The following DDX42 variants were observed in gnomAD, a reference collection of about 807,000 sequenced individuals.
DDX42 encodes DEAD-box helicase 42, also known as ATP-dependent RNA helicase DDX42.
DDX42 carries 22 observed loss-of-function variants against 101.5 expected under a neutral mutation model. The observed-to-expected ratio is 0.22, with a 90% CI of 0.15 to 0.31. The LOEUF (loss-of-function observed/expected upper bound fraction) is 0.31, where lower values mean the gene tolerates loss of function less well. Ranked by LOEUF, DDX42 falls within the 10% of genes least tolerant of loss-of-function variation. The pLI is 1.00. For synonymous variants in DDX42, 402 were observed against 401.2 expected (o/e 1.00, Z -0.02); for missense variants, 849 against 1,199.9 (o/e 0.71, Z 4.32).
chr17:63,807,578 T>TG (rs2039858006), intron 8 of DDX42, 146 bp from the exon 9 acceptor site: 2 of 631,138 alleles, frequency 3.2e-6, no homozygotes, highest in Non-Finnish European at 5.3e-6. Flanking sequence ...GATATTTCTA[T>TG]TTCACAACCA....
At chr17:63,804,296 T>C (rs566742678) in intron 6 of DDX42, among the ~76,000 whole-genome samples, 1 of 152,248 alleles carries the variant, frequency 6.6e-6, no homozygotes, top group African/African-American at 2.4e-5. Context: ...AAAAATAGTT[T>C]ATAAAAAATA....
chr17:63,785,205 A>T (rs1178304429), intron 1 of DDX42, among the ~76,000 whole-genome samples: 1 of 152,112 alleles, frequency 6.6e-6, no homozygotes, highest in African/African-American at 2.4e-5. Flanking sequence ...GCAGGGGCTC[A>T]TGCCTGTAAT....
intron 1 of DDX42, among the ~76,000 whole-genome samples, chr17:63,783,214 C>G (rs1001277094): frequency 1.3e-5 from 2 of 152,216 alleles, no homozygotes; most frequent in Non-Finnish European, 1.5e-5. Context: ...TCCTTGAGAA[C>G]AGGGACTGTA....
At chr17:63,786,050 T>C (rs892964721) in intron 1 of DDX42, among the ~76,000 whole-genome samples, 2 of 152,242 alleles carry the variant, frequency 1.3e-5, no homozygotes, top group African/African-American at 4.8e-5. Flanking sequence ...TGAGTATTTT[T>C]GTCAGCTTAA....
intron 3 of DDX42, among the ~76,000 whole-genome samples, chr17:63,795,594 A>C (rs1309212210): frequency 6.6e-6 from 1 of 152,148 alleles, no homozygotes; most frequent in Non-Finnish European, 1.5e-5. Context: ...GGCCTCTCAG[A>C]GTGCTGGAAT....
intron 8 of DDX42, 63 bp from the exon 9 acceptor site, chr17:63,807,661 A>G (rs957871419): frequency 6.8e-7 from 1 of 1,461,790 alleles, no homozygotes; most frequent in Non-Finnish European, 9.4e-7. Flanking sequence ...ATTCCCCAGG[A>G]TTTGCTTCAG....
chr17:63,794,206 C>T (rs1396247318), intron 3 of DDX42, among the ~76,000 whole-genome samples: 5 of 152,088 alleles, frequency 3.3e-5, no homozygotes, highest in African/African-American at 1.2e-4. Context: ...GTTAATTAGA[C>T]CAAAATATGT....
In DDX42 at chr17:63,819,095, A is replaced by G. The variant is rs1062790; in HGVS notation, c.*697A>G. ...TTGCTAAATTTAAAATTAAACAAGA[A>G]ACCCAACAACAGCTTTTAAAGTGTC... On this transcript the variant is annotated 3_prime_UTR_variant, in exon 18 of 18. Coordinates refer to ENST00000389924, the MANE Select transcript of DDX42 (RefSeq NM_203499.3). 105,950 of 152,432 alleles carry G rather than the reference A, an allele frequency of 0.7. 38,104 individuals are homozygous for G. Among genetic ancestry groups the G allele is most frequent in the African/African-American group, 0.9 (37,388 of 41,534 alleles). 9.4% of individuals were successfully genotyped at this position (152,432 alleles called of 1,614,324 possible). A position where few individuals can be genotyped will look rare whatever the true frequency, so the allele number is the denominator to read the frequency against.
chr17:63,802,144 T>A (rs1258932489), intron 6 of DDX42, among the ~76,000 whole-genome samples: 1 of 152,104 alleles, frequency 6.6e-6, no homozygotes, highest in East Asian at 1.9e-4. Flanking sequence ...ACCAAACTGT[T>A]CTAGTAGGCG....
intron 17 of DDX42, 100 bp from the exon 18 acceptor site, chr17:63,817,594 T>C: frequency 1.7e-6 from 2 of 1,163,556 alleles, no homozygotes; most frequent in Non-Finnish European, 2.5e-6. Flanking sequence ...AGTGCCAGGA[T>C]AGCACAGAGT....
rs1289842268 is a variant in DDX42 at position 63,779,828 on chromosome 17, C to G, written c.-17+5452C>G. ...CAAACTCCTGGCCTCAAGCCATCCT[C>G]CTGCTTCCCAGAGTACTGGGAATAT... On this transcript the variant is annotated intron_variant, in intron 1 of 17. Coordinates refer to ENST00000389924, the MANE Select transcript of DDX42 (RefSeq NM_203499.3). Among the ~76,000 whole-genome samples, 3 of 152,112 alleles carry G rather than the reference C, an allele frequency of 2.0e-5. No individual in the cohort carries two copies. The South Asian group carries it at 6.2e-4, about 32-fold the overall frequency.
chr17:63,788,570 T>G (rs1400197475), intron 2 of DDX42, among the ~76,000 whole-genome samples: 1 of 151,966 alleles, frequency 6.6e-6, no homozygotes, highest in Non-Finnish European at 1.5e-5. Context: ...CCTCCCAAAC[T>G]GCTAGGATTA....
At chr17:63,790,333 A>G (rs945473116) in intron 2 of DDX42, among the ~76,000 whole-genome samples, 9 of 152,160 alleles carry the variant, frequency 5.9e-5, no homozygotes, top group East Asian at 1.9e-4. Context: ...CATATAGACT[A>G]TATATTTTAG....
At chr17:63,789,811 G>C (rs1008398844) in intron 2 of DDX42, among the ~76,000 whole-genome samples, 1 of 151,896 alleles carries the variant, frequency 6.6e-6, no homozygotes, top group Admixed American at 6.6e-5. Context: ...AACCTCAGGT[G>C]ATCTGCCTGC....
intron 7 of DDX42, chr17:63,805,591 T>A (rs9896185): frequency 0.015 from 2,353 of 157,112 alleles, 60 homozygotes; most frequent in African/African-American, 0.053. Flanking sequence ...TAATACCTTT[T>A]AAAAATATGC....
chr17:63,818,086 A>G lies in DDX42; in HGVS notation c.2505A>G (p.Gly835=), dbSNP rs756214582. ...GGCATAGCGATAGTCCACGTCACGG[A>G]GATGGTGGTCGCCATGGAGATGGAT... ...GNRHSDSPRH[G]DGGRHGDGYR... The change falls in exon 18 of 18, where the codon GGA becomes GGG. Residue 835 remains glycine, a synonymous_variant. Coordinates refer to ENST00000389924, the MANE Select transcript of DDX42 (RefSeq NM_203499.3). 3.1e-6 allele frequency: 5 copies of G among 1,613,968 alleles called. No individual in the cohort carries two copies. The South Asian group carries it at 3.3e-5, about 11-fold the overall frequency.
chr17:63,778,286 T>C lies in DDX42; in HGVS notation c.-17+3910T>C, dbSNP rs552572201. 2.7e-4 allele frequency among the ~76,000 whole-genome samples: 41 copies of C among 152,332 alleles called. No individual in the cohort carries two copies. The East Asian group carries it at 7.9e-3, about 29-fold the overall frequency. On this transcript the variant is annotated intron_variant, in intron 1 of 17. Transcript: ENST00000389924. ...CTATGGAAGATTTGCTGGTTTTAGA[T>C]GAAGCATCTGGATGTACATCCACAT...
Position 63,813,251 on chromosome 17 carries a change from A to G in DDX42, c.1699A>G (p.Ile567Val), listed in dbSNP as rs748670038. The G allele has an allele frequency of 4.3e-6, 7 of 1,611,330 alleles. No homozygotes were observed. The highest frequency in any genetic ancestry group is 2.2e-5 in the South Asian group (2 of 91,012). Reference sequence around the variant, plus strand: ...AGCCCGTGGTCTGGACATTCCTTCAATTAAGACTGTCATTAACTATGATGT... The same window carrying G: ...AGCCCGTGGTCTGGACATTCCTTCAGTTAAGACTGTCATTAACTATGATGT... Reference protein sequence around the residue: ...VAARGLDIPSIKTVINYDVAR... With the variant: ...VAARGLDIPSVKTVINYDVAR... The change falls in exon 15 of 18, where the codon ATT becomes GTT. Residue 567 changes from isoleucine to valine, a missense_variant. Physicochemically the swap from Ile to Val is conservative, Grantham distance 29. Transcript: ENST00000389924.
chr17:63,789,562 TTTGTTTTTG>T (rs1303651439), intron 2 of DDX42, among the ~76,000 whole-genome samples: 4,559 of 41,000 alleles, frequency 0.11, 954 homozygotes, highest in African/African-American at 0.33. Context: ...TGTTTTTGTT[TTTGTTTTTG>T]TTTTTTTTTT....
Sources: gnomAD v4.1 joint callset for allele counts (sites outside exome capture counted in the v4.1 genomes callset) on GRCh38, gnomAD v4.1.1 for gene constraint, MANE v1.5 for transcripts, NCBI Gene and HGNC (gene_info 2026-07-23, HGNC 2026-07-21) for gene names.